NSMCE2: variants seen among roughly 807,000 people sequenced by gnomAD.
The protein encoded by NSMCE2 is E3 SUMO-protein ligase NSE2.
A neutral mutation model predicts 23.8 loss-of-function variants in NSMCE2; 24 were observed. That is an observed-to-expected ratio of 1.01 (90% CI 0.73 to 1.42). The LOEUF (loss-of-function observed/expected upper bound fraction) is 1.42. Among genes scored for constraint, NSMCE2 ranks in the 40% most tolerant of loss-of-function variants. The probability of loss-of-function intolerance (pLI) is 0.00; values close to 1 mark genes in which losing one functional copy is unlikely to be tolerated. For missense variants in NSMCE2, 284 were observed against 296.5 expected (o/e 0.96, Z 0.31); for synonymous variants, 92 against 94.1 (o/e 0.98, Z 0.13).
At chr8:125,349,848 G>C (rs1211638658) in intron 5 of NSMCE2, among the ~76,000 whole-genome samples, 1 of 152,130 alleles carries the variant, frequency 6.6e-6, no homozygotes, top group African/African-American at 2.4e-5. Context: ...TTTACTTCCT[G>C]CCTTTGACAT....
chr8:125,165,250 A>G (rs1045418591), intron 4 of NSMCE2, among the ~76,000 whole-genome samples: 8 of 152,348 alleles, frequency 5.3e-5, no homozygotes, highest in African/African-American at 1.7e-4. Flanking sequence ...TTATGCCTTC[A>G]AAAGATGAGG....
intron 5 of NSMCE2, among the ~76,000 whole-genome samples, chr8:125,239,640 G>A (rs1177166271): frequency 6.6e-6 from 1 of 150,478 alleles, no homozygotes; most frequent in East Asian, 1.9e-4. Flanking sequence ...TTCAAACCAG[G>A]CACTATTAAA....
chr8:125,155,029 C>A (rs1821239367), intron 4 of NSMCE2, among the ~76,000 whole-genome samples: 1 of 152,124 alleles, frequency 6.6e-6, no homozygotes, highest in Non-Finnish European at 1.5e-5. Flanking sequence ...ACTGAACAGC[C>A]ATGTGCCAGG....
intron 5 of NSMCE2, among the ~76,000 whole-genome samples, chr8:125,229,779 T>A (rs928694041): frequency 6.6e-6 from 1 of 152,162 alleles, no homozygotes. Context: ...ATTGTTTTAG[T>A]GTTTTATTAT....
At chr8:125,198,343 T>C (rs1413296431) in intron 5 of NSMCE2, among the ~76,000 whole-genome samples, 3 of 152,212 alleles carry the variant, frequency 2.0e-5, no homozygotes, top group Non-Finnish European at 4.4e-5. Flanking sequence ...ATAGCTCTTA[T>C]TATTTTGAGA....
intron 5 of NSMCE2, chr8:125,270,746 C>G (rs1052318067): frequency 6.6e-6 from 1 of 152,046 alleles, no homozygotes; most frequent in Non-Finnish European, 1.5e-5. Context: ...ATGGTGACCC[C>G]TCAGGAGCAG....
intron 5 of NSMCE2, among the ~76,000 whole-genome samples, chr8:125,201,951 C>T (rs530117653): frequency 9.9e-5 from 15 of 152,104 alleles, no homozygotes; most frequent in Admixed American, 2.0e-4. Flanking sequence ...TGCGAAGCTT[C>T]AGCCTCGCAG....
At chr8:125,156,880 T>C (rs983621698) in intron 4 of NSMCE2, among the ~76,000 whole-genome samples, 1 of 152,204 alleles carries the variant, frequency 6.6e-6, no homozygotes, top group Non-Finnish European at 1.5e-5. Context: ...TTTTTCTTAC[T>C]GTGCAGTTAC....
intron 5 of NSMCE2, among the ~76,000 whole-genome samples, chr8:125,257,698 G>A (rs1042415281): frequency 2.0e-5 from 3 of 151,832 alleles, no homozygotes; most frequent in South Asian, 2.1e-4. Flanking sequence ...CATGCCTGTC[G>A]AATTTTTTTG....
At chr8:125,275,130 G>A (rs937751905) in intron 5 of NSMCE2, among the ~76,000 whole-genome samples, 1 of 151,584 alleles carries the variant, frequency 6.6e-6, no homozygotes, top group African/African-American at 2.4e-5. Flanking sequence ...TCATGTGTCA[G>A]CTGATATCAA....
chr8:125,199,955 T>C (rs567202234), intron 5 of NSMCE2, among the ~76,000 whole-genome samples: 202 of 152,346 alleles, frequency 1.3e-3, no homozygotes, highest in Middle Eastern at 3.4e-3. Flanking sequence ...TCTTGATCTT[T>C]GTTGGTTTAA....
At chr8:125,142,609 G>GT (rs879765827) in intron 3 of NSMCE2, among the ~76,000 whole-genome samples, 3,033 of 145,844 alleles carry the variant, frequency 0.021, 22 homozygotes, top group Non-Finnish European at 0.023. Context: ...TGTGTATTCA[G>GT]TTTTTTTTTT....
At chr8:125,163,319 A>G (rs1250510391) in intron 4 of NSMCE2, among the ~76,000 whole-genome samples, 1 of 152,244 alleles carries the variant, frequency 6.6e-6, no homozygotes. Context: ...ATAAAAATTC[A>G]CAAAGCCAGA....
intron 5 of NSMCE2, among the ~76,000 whole-genome samples, chr8:125,342,170 C>T (rs1173337688): frequency 5.9e-5 from 9 of 152,186 alleles, no homozygotes; most frequent in African/African-American, 2.2e-4. Flanking sequence ...ATCACATTCT[C>T]TGTGGTTCTA....
intron 3 of NSMCE2, among the ~76,000 whole-genome samples, chr8:125,117,462 C>T (rs1481447912): frequency 1.3e-5 from 2 of 152,178 alleles, no homozygotes; most frequent in Non-Finnish European, 2.9e-5. Context: ...TGCCATGTCT[C>T]GATATCTCGA....
At chr8:125,322,096 T>G (rs1160320977) in intron 5 of NSMCE2, among the ~76,000 whole-genome samples, 5 of 152,206 alleles carry the variant, frequency 3.3e-5, no homozygotes, top group African/African-American at 4.8e-5. Context: ...CTTTTTATAT[T>G]CTGGATATGA....
chr8:125,238,101 C>T (rs1049122474), intron 5 of NSMCE2, among the ~76,000 whole-genome samples: 6 of 152,304 alleles, frequency 3.9e-5, no homozygotes, highest in South Asian at 4.1e-4. Context: ...CCTCATCTCA[C>T]TATCAGCATT....
intron 5 of NSMCE2, among the ~76,000 whole-genome samples, chr8:125,320,262 A>G (rs112632086): frequency 4.5e-5 from 2 of 44,346 alleles, no homozygotes; most frequent in African/African-American, 5.8e-5. Flanking sequence ...GGAAGGAAGG[A>G]AGGAAGGAAG....
At chr8:125,279,941 G>T (rs1483268020) in intron 5 of NSMCE2, among the ~76,000 whole-genome samples, 2 of 152,200 alleles carry the variant, frequency 1.3e-5, no homozygotes, top group African/African-American at 2.4e-5. Flanking sequence ...CAATGAGTAA[G>T]AAATAGTGTG....
Sources: allele counts gnomAD v4.1 joint callset (sites outside exome capture counted in the v4.1 genomes callset), GRCh38; gene constraint gnomAD v4.1.1; transcripts MANE v1.5; gene names NCBI Gene and HGNC (gene_info 2026-07-23, HGNC 2026-07-21).